MKKS: variants seen among roughly 807,000 people sequenced by gnomAD.
MKKS encodes the protein molecular chaperone MKKS.
Under a neutral mutation model 33.2 loss-of-function variants are expected in MKKS, and 29 were observed. The ratio of observed to expected loss-of-function variants is 0.87; its 90% CI spans 0.65 to 1.19. The LOEUF (loss-of-function observed/expected upper bound fraction) is 1.19. MKKS is among the 50% of genes most tolerant of loss of function. The pLI is 0.00. For synonymous variants in MKKS, 260 were observed against 244.0 expected (o/e 1.07, Z -0.61); for missense variants, 661 against 662.3 (o/e 1.00, Z 0.02).
chr20:10,403,153 G>A lies in MKKS; in HGVS notation c.*2094C>T, dbSNP rs973882348. On this transcript the variant is annotated 3_prime_UTR_variant, in exon 6 of 6. Transcript: ENST00000347364. ...AGAAGCCTCCCTCAACCCTTGCTAT[G>A]TGGGCCTCCCCAGGGGGCAGTTCCC... 6.6e-6 allele frequency: 1 copy of A among 152,198 alleles called. No individual in the cohort carries two copies. Among genetic ancestry groups the A allele is most frequent in the African/African-American group, 2.4e-5 (1 of 41,438 alleles). The allele number at this position is 152,198 out of a possible 1,614,324, so 9.4% of individuals were successfully genotyped here.
chr20:10,413,677 G>T lies in MKKS; in HGVS notation c.-163C>A. 1.4e-6 allele frequency: 1 copy of T among 716,576 alleles called. No homozygotes were observed. Among genetic ancestry groups the T allele is most frequent in the Non-Finnish European group, 2.3e-6 (1 of 429,190 alleles). 44.4% of individuals were successfully genotyped at this position (716,576 alleles called of 1,614,324 possible). ...AATCAAAAAGTTCAATGTTTATGAA[G>T]CTAATCAGCATAGAATGATTTAATG... On this transcript the variant is annotated 5_prime_UTR_variant, in exon 3 of 6. Coordinates refer to ENST00000347364, the MANE Select transcript of MKKS (RefSeq NM_170784.3).
chr20:10,405,366 C>T lies in MKKS; in HGVS notation c.1594G>A (p.Gly532Ser). ...TCCAAGGTCAGGTTGCTGGCTGAGCCCACAGCTTCATGTGGAAGGCAGCTT... is the reference window on the plus strand; with the variant it reads ...TCCAAGGTCAGGTTGCTGGCTGAGCTCACAGCTTCATGTGGAAGGCAGCTT... ...PQSCLPHEAVGSASNLTLDCL... is the reference protein window; with the variant it reads ...PQSCLPHEAVSSASNLTLDCL... Residue 532 changes from glycine (G) to serine (S), a missense_variant, in exon 6 of 6, where the codon GGC becomes AGC. Transcript: ENST00000347364. 4 of 1,614,182 alleles carry T rather than the reference C, an allele frequency of 2.5e-6. No individual in the cohort carries two copies. Among genetic ancestry groups the T allele is most frequent in the Non-Finnish European group, 3.4e-6 (4 of 1,180,034 alleles).
intron 1 of MKKS, among the ~76,000 whole-genome samples, chr20:10,423,748 A>G (rs1026511379): frequency 2.6e-5 from 4 of 152,328 alleles, no homozygotes; most frequent in African/African-American, 9.6e-5. Flanking sequence ...TACTCTTTCC[A>G]TTAGGATAAC....
intron 1 of MKKS, among the ~76,000 whole-genome samples, chr20:10,425,644 T>C (rs949949595): frequency 6.6e-6 from 1 of 152,228 alleles, no homozygotes; most frequent in African/African-American, 2.4e-5. Context: ...ATGGACTGTC[T>C]TGTAGAGATT....
chr20:10,412,048 G>GT, intron 3 of MKKS, among the ~76,000 whole-genome samples: 1 of 152,252 alleles, frequency 6.6e-6, no homozygotes, highest in Non-Finnish European at 1.5e-5. Flanking sequence ...TTTGATATAG[G>GT]TAAAACATAG....
rs919653835 is a variant in MKKS, at chr20:10,404,494, T to C, written c.*753A>G. ...GGGCAGCCTCCGTACAACAAAGAAT[T>C]ATGGGGCTCAGAATGTCAATAATGC... On this transcript the variant is annotated 3_prime_UTR_variant, in exon 6 of 6. Coordinates refer to ENST00000347364, the MANE Select transcript of MKKS (RefSeq NM_170784.3). 2.0e-5 allele frequency: 3 copies of C among 151,802 alleles called. No homozygotes were observed. The highest frequency in any genetic ancestry group is 7.3e-5 in the African/African-American group (3 of 41,254). 9.4% of individuals were successfully genotyped at this position (151,802 alleles called of 1,614,324 possible). A position where few individuals can be genotyped will look rare whatever the true frequency, so the allele number is the denominator to read the frequency against.
chr20:10,418,580 T>TA (rs1271264448), intron 2 of MKKS, among the ~76,000 whole-genome samples: 2 of 152,170 alleles, frequency 1.3e-5, no homozygotes, highest in East Asian at 1.9e-4. Flanking sequence ...TGTTAGCCTC[T>TA]AAAACTTTTA....
At position 10,413,363 on chromosome 20, in the gene MKKS, C is replaced by T. The variant is rs1320841289; in HGVS notation, c.152G>A (p.Gly51Glu). 1 of 1,613,586 alleles carries T rather than the reference C, an allele frequency of 6.2e-7. No individual in the cohort carries two copies. The highest frequency in any genetic ancestry group is 8.5e-7 in the Non-Finnish European group (1 of 1,179,496). Residue 51 changes from glycine (G) to glutamate (E), a missense_variant, in exon 3 of 6, where the codon GGA becomes GAA. Physicochemically the swap from Gly to Glu is moderately conservative, Grantham distance 98. Transcript: ENST00000347364. ...CTGTGAGGTTGTACACACGTAACCT[C>T]CAAAGCCATTGTGCAGCTGCTTCAG... ...GRLKQLHNGF[G>E]GYVCTTSQSS...
Position 10,425,979 on chromosome 20 carries a change from A to C in MKKS, c.-648-5221T>G, listed in dbSNP as rs570510000. Among the ~76,000 whole-genome samples the C allele has an allele frequency of 5.3e-5, 8 of 152,330 alleles. No homozygotes were observed. The East Asian group carries it at 1.5e-3, about 29-fold the overall frequency. ...AAATAGAGTTGATATTTATAGTTTC[A>C]TTTACTAAAATGTCTTTTGTTAAGT... On this transcript the variant is annotated intron_variant, in intron 1 of 5. Transcript: ENST00000347364.
chr20:10,429,613 A>G (rs1246406954), intron 1 of MKKS, among the ~76,000 whole-genome samples: 3 of 152,148 alleles, frequency 2.0e-5, no homozygotes, highest in Non-Finnish European at 2.9e-5. Flanking sequence ...ATCATCTACT[A>G]AGCCATTCAA....
At position 10,401,876 on chromosome 20, in the gene MKKS, A is replaced by G. The variant is rs901042684; in HGVS notation, c.*3371T>C. On this transcript the variant is annotated 3_prime_UTR_variant, in exon 6 of 6. Transcript: ENST00000347364. ...AGTGCTTCAGTCTAACAGTTGACTT[A>G]CAATGTCTAACATATAAAGACTCTC... 1.3e-5 allele frequency: 2 copies of G among 152,246 alleles called. No homozygotes were observed. The highest frequency in any genetic ancestry group is 4.8e-5 in the African/African-American group (2 of 41,472). The allele number at this position is 152,246 out of a possible 1,614,324, so 9.4% of individuals were successfully genotyped here.
intron 3 of MKKS, among the ~76,000 whole-genome samples, chr20:10,412,125 T>C (rs1304359294): frequency 6.6e-6 from 1 of 152,162 alleles, no homozygotes; most frequent in Non-Finnish European, 1.5e-5. Context: ...TTGCTGGAAT[T>C]ATGACAAAGT....
Position 10,412,702 on chromosome 20 carries a change from T to G in MKKS, c.813A>C (p.Ala271=). The G allele has an allele frequency of 6.2e-7, 1 of 1,614,174 alleles. No individual in the cohort carries two copies. The highest frequency in any genetic ancestry group is 1.1e-5 in the South Asian group (1 of 91,082). The change falls in exon 3 of 6, where the codon GCA becomes GCC. Residue 271 remains alanine, a synonymous_variant. Transcript: ENST00000347364. The stretch of plus-strand genomic sequence containing the variant: ...CTAGGTTAAGCAGCTGGTCCAAGAC[T>G]GCATTTTCAAGAGAAACCCCATAAC... ...VVSYGVSLEN[A]VLDQLLNLGR...
chr20:10,408,722 C>A lies in MKKS; in HGVS notation c.1067G>T (p.Gly356Val), dbSNP rs745728640. Residue 356 changes from glycine (G) to valine (V), a missense_variant, in exon 4 of 6, where the codon GGC becomes GTC. By Grantham distance (109) the Gly-to-Val change is moderately radical. Coordinates refer to ENST00000347364, the MANE Select transcript of MKKS (RefSeq NM_170784.3). ...AATAAGATGAAAAAAATGTTTGGAG[C>A]CAAATTTTGCAGTGCACACATCTTT... Reference protein sequence around the residue: ...SVKDVCTAKFGSKHFFHLIPN... With the variant: ...SVKDVCTAKFVSKHFFHLIPN... The A allele has an allele frequency of 1.6e-5, 26 of 1,613,730 alleles. No homozygotes were observed. The highest frequency in any genetic ancestry group is 4.0e-5 in the African/African-American group (3 of 74,866).
At chr20:10,426,691 G>T (rs144322609) in intron 1 of MKKS, among the ~76,000 whole-genome samples, 1 of 152,162 alleles carries the variant, frequency 6.6e-6, no homozygotes, top group Non-Finnish European at 1.5e-5. Context: ...AGCCATGCAC[G>T]CCCCGTGGCA....
At chr20:10,414,368 C>A (rs936662874) in intron 2 of MKKS, among the ~76,000 whole-genome samples, 2 of 150,900 alleles carry the variant, frequency 1.3e-5, no homozygotes, top group Non-Finnish European at 2.9e-5. Flanking sequence ...TGGGTTCAAG[C>A]AATTCTCCTG....
intron 2 of MKKS, among the ~76,000 whole-genome samples, chr20:10,414,389 C>T (rs1256139188): frequency 6.6e-6 from 1 of 151,976 alleles, no homozygotes; most frequent in Non-Finnish European, 1.5e-5. Flanking sequence ...CCTCACCCTC[C>T]TCAGTGGCAG....
intron 1 of MKKS, among the ~76,000 whole-genome samples, chr20:10,426,152 G>C (rs2065013019): frequency 1.3e-5 from 2 of 152,158 alleles, no homozygotes; most frequent in Non-Finnish European, 2.9e-5. Context: ...TATAAATGAA[G>C]AAACATTAAA....
intron 1 of MKKS, among the ~76,000 whole-genome samples, chr20:10,432,347 C>T (rs967992854): frequency 8.5e-5 from 13 of 152,324 alleles, no homozygotes; most frequent in South Asian, 4.1e-4. Flanking sequence ...CTCTAAATCT[C>T]CTCAGAGTCT....
Sources: gnomAD v4.1 joint callset for allele counts (sites outside exome capture counted in the v4.1 genomes callset) on GRCh38, gnomAD v4.1.1 for gene constraint, MANE v1.5 for transcripts, NCBI Gene and HGNC (gene_info 2026-07-23, HGNC 2026-07-21) for gene names.